SLAMF6: variants seen among roughly 807,000 people sequenced by gnomAD.
The protein encoded by SLAMF6 is NK-T-B-antigen.
A neutral mutation model predicts 38.3 loss-of-function variants in SLAMF6; 21 were observed. That is an observed-to-expected ratio of 0.55 (90% CI 0.39 to 0.79). SLAMF6 has a LOEUF of 0.79. SLAMF6 is among the 30% of genes least tolerant of loss of function. The pLI is 0.00. For missense variants in SLAMF6, 341 were observed against 385.3 expected (o/e 0.89, Z 0.96); for synonymous variants, 152 against 146.3 (o/e 1.04, Z -0.28).
At chr1:160,514,615 C>T (rs1557948959) in intron 1 of SLAMF6, among the ~76,000 whole-genome samples, 2 of 152,232 alleles carry the variant, frequency 1.3e-5, no homozygotes, top group East Asian at 1.9e-4. Context: ...GTAAAACACT[C>T]CTCATCAAAT....
rs562139585 is a variant in SLAMF6 at position 160,521,213 on chromosome 1, T to C, written c.49+1931A>G. On this transcript the variant is annotated intron_variant, in intron 1 of 7. Transcript: ENST00000368057. Reference sequence around the variant, plus strand: ...CCAATTCTAGCAGCCACTTCTCTCCTCCTGGGTCTCAGAACACCTGCATCT... The same window carrying C: ...CCAATTCTAGCAGCCACTTCTCTCCCCCTGGGTCTCAGAACACCTGCATCT... Among the ~76,000 whole-genome samples the C allele has an allele frequency of 1.1e-4, 17 of 152,292 alleles. No homozygotes were observed. The East Asian group carries it at 3.1e-3, about 28-fold the overall frequency.
At chr1:160,496,886 T>C (rs16832072) in intron 1 of SLAMF6, among the ~76,000 whole-genome samples, 188 of 152,342 alleles carry the variant, frequency 1.2e-3, no homozygotes, top group African/African-American at 4.2e-3. Context: ...ATTTATAGGA[T>C]AGTCAGTTCT....
intron 6 of SLAMF6, 75 bp from the exon 7 acceptor site, chr1:160,487,250 ACTGTGTG>A: frequency 7.6e-7 from 1 of 1,318,020 alleles, no homozygotes. Context: ...CTTAGGAAAG[ACTGTGTG>A]ACAAAAAAGA....
At position 160,491,059 on chromosome 1, in the gene SLAMF6, T is replaced by A. The variant is rs531123478; in HGVS notation, c.646+66A>T. 3 of 1,581,826 alleles carry A rather than the reference T, an allele frequency of 1.9e-6. No homozygotes were observed. The Admixed American group carries it at 5.1e-5, about 27-fold the overall frequency. ...CTGGGCCACTGTATTGGAAATTACG[T>A]AGGATGTGAGGACGCGTTAAACCCC... is the stretch of plus-strand genomic sequence containing the variant. On this transcript the variant is annotated intron_variant, in intron 3 of 7. Transcript: ENST00000368057.
chr1:160,506,249 G>A (rs1340117785), intron 1 of SLAMF6, among the ~76,000 whole-genome samples: 1 of 152,024 alleles, frequency 6.6e-6, no homozygotes, highest in Non-Finnish European at 1.5e-5. Flanking sequence ...AAAACAAGGA[G>A]AGAGTCTCAA....
intron 1 of SLAMF6, among the ~76,000 whole-genome samples, chr1:160,498,946 G>A (rs1427679157): frequency 6.6e-6 from 1 of 152,082 alleles, no homozygotes; most frequent in Non-Finnish European, 1.5e-5. Context: ...GCTCCTTATA[G>A]ATTCTGGATA....
intron 1 of SLAMF6, among the ~76,000 whole-genome samples, chr1:160,501,191 TAG>T (rs1442630501): frequency 3.9e-5 from 6 of 152,176 alleles, no homozygotes; most frequent in African/African-American, 1.4e-4. Flanking sequence ...GCATATTTAT[TAG>T]GTCTGTTTTA....
chr1:160,517,050 A>C (rs1233430138), intron 1 of SLAMF6, among the ~76,000 whole-genome samples: 1 of 152,220 alleles, frequency 6.6e-6, no homozygotes, highest in Non-Finnish European at 1.5e-5. Flanking sequence ...TAGCAGAAGA[A>C]ACTATTATCA....
intron 1 of SLAMF6, among the ~76,000 whole-genome samples, chr1:160,520,934 G>A (rs1166358723): frequency 1.3e-5 from 2 of 151,970 alleles, no homozygotes; most frequent in Non-Finnish European, 1.5e-5. Context: ...TTCTTCATTT[G>A]ACTTTTCCTG....
intron 1 of SLAMF6, among the ~76,000 whole-genome samples, chr1:160,501,799 A>C (rs1040155610): frequency 2.6e-5 from 4 of 151,862 alleles, no homozygotes; most frequent in African/African-American, 9.7e-5. Flanking sequence ...ATGAGCTAAA[A>C]TATCTGTTTG....
intron 1 of SLAMF6, 96 bp from the exon 2 acceptor site, chr1:160,496,489 T>G (rs1164213007): frequency 8.4e-7 from 1 of 1,195,362 alleles, no homozygotes; most frequent in African/African-American, 1.5e-5. Context: ...CTGTTAGAGC[T>G]CTCTGATACC....
At chr1:160,490,542 G>C (rs761208451) in intron 4 of SLAMF6, 33 bp downstream of exon 4, 3 of 1,604,824 alleles carry the variant, frequency 1.9e-6, no homozygotes, top group Non-Finnish European at 2.5e-6. Context: ...TGGAACCTTG[G>C]AGAAGAGACA....
intron 1 of SLAMF6, 140 bp downstream of exon 1, chr1:160,523,004 G>GT: frequency 1.2e-6 from 1 of 807,126 alleles, no homozygotes; most frequent in East Asian, 2.8e-5. Flanking sequence ...AGTATATCAG[G>GT]TAACACTGCC....
At chr1:160,501,679 T>TTA (rs1653901682) in intron 1 of SLAMF6, among the ~76,000 whole-genome samples, 1 of 150,686 alleles carries the variant, frequency 6.6e-6, no homozygotes, top group Non-Finnish European at 1.5e-5. Flanking sequence ...TTATTTGTAA[T>TTA]TCTTCCAATA....
At chr1:160,494,783 C>T (rs1365029728) in intron 2 of SLAMF6, among the ~76,000 whole-genome samples, 5 of 152,084 alleles carry the variant, frequency 3.3e-5, no homozygotes, top group South Asian at 2.1e-4. Flanking sequence ...GCAGATTGCC[C>T]GCTACAGCCT....
chr1:160,504,641 C>G (rs1381740853), intron 1 of SLAMF6, among the ~76,000 whole-genome samples: 1 of 152,170 alleles, frequency 6.6e-6, no homozygotes, highest in Non-Finnish European at 1.5e-5. Context: ...ACCTCTCTTT[C>G]AGGTAGAAAA....
At chr1:160,510,103 G>A (rs924027030) in intron 1 of SLAMF6, among the ~76,000 whole-genome samples, 4 of 152,058 alleles carry the variant, frequency 2.6e-5, no homozygotes, top group Non-Finnish European at 4.4e-5. Context: ...GATTGAATCA[G>A]TACTCAAAAA....
chr1:160,486,847 A>G, intron 7 of SLAMF6, 93 bp from the exon 8 acceptor site: 1 of 1,414,218 alleles, frequency 7.1e-7, no homozygotes. Context: ...GAGACTACAG[A>G]GAGGCAGATA....
chr1:160,496,393 C>A lies in SLAMF6; in HGVS notation c.50G>T (p.Gly17Val), dbSNP rs1340343079. The A allele has an allele frequency of 6.2e-7, 1 of 1,610,910 alleles. No homozygotes were observed. Among genetic ancestry groups the A allele is most frequent in the Non-Finnish European group, 8.5e-7 (1 of 1,177,808 alleles). ...TAAGCTGCTTTGTGAAACTACATTC[C>A]CTGTAAACACAGAAGGAAAGGTTTT... ...SLLFVFCFGP[G>V]NVVSQSSLTP... The change falls in exon 2 of 8, where the codon GGG (glycine) becomes GTG (valine). Residue 17 changes from glycine to valine, a missense_variant and splice_region_variant. Coordinates refer to ENST00000368057, the MANE Select transcript of SLAMF6 (RefSeq NM_001184714.2).
Sources: gnomAD v4.1 joint callset for allele counts (sites outside exome capture counted in the v4.1 genomes callset) on GRCh38, gnomAD v4.1.1 for gene constraint, MANE v1.5 for transcripts, NCBI Gene and HGNC (gene_info 2026-07-23, HGNC 2026-07-21) for gene names.